Variants in PLCE1 observed in about 807,000 individuals in gnomAD.
PLCE1 encodes the protein phospholipase C epsilon 1, also known as 1-phosphatidylinositol 4,5-bisphosphate phosphodiesterase epsilon-1.
In PLCE1, 119 loss-of-function variants were observed where a neutral mutation model predicts 242.8. The observed-to-expected ratio is 0.49, with a 90% confidence interval of 0.42 to 0.57. The LOEUF (loss-of-function observed/expected upper bound fraction) is 0.57. PLCE1 is among the 20% of genes least tolerant of loss of function. The probability of loss-of-function intolerance (pLI) is 0.00; values close to 1 mark genes in which losing one functional copy is unlikely to be tolerated. For missense variants in PLCE1, 2,441 were observed against 2,788.8 expected, an observed-to-expected ratio of 0.88 and a Z score of 2.81; for synonymous variants, 945 against 1,017.4, an observed-to-expected ratio of 0.93 and a Z score of 1.35.
chr10:94,057,009 C>T (rs1589932387), intron 2 of PLCE1, among the ~76,000 whole-genome samples: 1 of 152,120 alleles, frequency 6.6e-6, no homozygotes, highest in African/African-American at 2.4e-5. Context: ...CTGAATACTA[C>T]CCCGTTGTGT....
intron 1 of PLCE1, among the ~76,000 whole-genome samples, chr10:94,006,613 T>G (rs2061042984): frequency 6.6e-6 from 1 of 152,228 alleles, no homozygotes; most frequent in Non-Finnish European, 1.5e-5. Context: ...CTACTTGTTT[T>G]TTTTAAAATT....
chr10:94,125,078 A>G (rs1024015441), intron 2 of PLCE1, among the ~76,000 whole-genome samples: 10 of 152,364 alleles, frequency 6.6e-5, no homozygotes, highest in East Asian at 1.9e-4. Flanking sequence ...TGGTGAAGAC[A>G]TAGAATTGAG....
intron 3 of PLCE1, among the ~76,000 whole-genome samples, chr10:94,156,574 A>C (rs1039146561): frequency 1.2e-4 from 18 of 152,084 alleles, no homozygotes; most frequent in African/African-American, 4.3e-4. Context: ...CCTTCCCAGC[A>C]CCTCCTTGTG....
In PLCE1 at chr10:94,298,581, T is replaced by C; in HGVS notation, c.5370T>C (p.Ala1790=). ...TACQLLRTYP[A]ATRIDSSNPN... is the part of the protein sequence containing the mutation. ...GTCAGCTGCTGAGAACTTACCCTGC[T>C]GCCACCCGCATCGACTCTTCCAACC... Residue 1790 remains alanine, a synonymous_variant, in exon 24 of 33, where the codon GCT becomes GCC. Transcript: ENST00000371380. This position sits in a 1 kb window ranked among gnomAD's most constrained non-coding sequence, Gnocchi z 5.2. 1 of 1,614,200 alleles carries C rather than the reference T, an allele frequency of 6.2e-7. No individual in the cohort carries two copies. Among genetic ancestry groups the C allele is most frequent in the Non-Finnish European group, 8.5e-7 (1 of 1,180,018 alleles).
chr10:94,232,773 T>A (rs1466047294), intron 5 of PLCE1, among the ~76,000 whole-genome samples: 1 of 152,070 alleles, frequency 6.6e-6, no homozygotes, highest in Non-Finnish European at 1.5e-5. Flanking sequence ...CCCTCCTGAC[T>A]CACAGGAAAT....
intron 1 of PLCE1, among the ~76,000 whole-genome samples, chr10:93,997,379 C>A (rs1044802915): frequency 2.6e-5 from 4 of 152,136 alleles, no homozygotes; most frequent in African/African-American, 9.7e-5. Context: ...TTACAAAATC[C>A]ATAAAGCTTC....
chr10:93,996,140 CGT>C (rs1564613566), intron 1 of PLCE1, among the ~76,000 whole-genome samples: 5 of 151,792 alleles, frequency 3.3e-5, no homozygotes, highest in South Asian at 2.1e-4. Flanking sequence ...TGTGCGCGCG[CGT>C]GTGTGTTCCA....
intron 2 of PLCE1, among the ~76,000 whole-genome samples, chr10:94,113,119 G>A (rs2046005947): frequency 6.6e-6 from 1 of 152,112 alleles, no homozygotes; most frequent in South Asian, 2.1e-4. Flanking sequence ...GGGAAAGTAG[G>A]GAGTGACTTT....
chr10:94,298,275 G>A lies in PLCE1; in HGVS notation c.5168-104G>A, dbSNP rs2133532697. 2 of 1,034,594 alleles carry A rather than the reference G, an allele frequency of 1.9e-6. No individual in the cohort carries two copies. The highest frequency in any genetic ancestry group is 3.6e-5 in the Admixed American group (2 of 56,148). 64.1% of individuals were successfully genotyped at this position (1,034,594 alleles called of 1,614,324 possible). A position where few individuals can be genotyped will look rare whatever the true frequency, so the allele number is the denominator to read the frequency against. Reference sequence around the variant, plus strand: ...AAAATCCAAGAGGTATTCTGATGTGGTTTATATGCTATGACTGTTTACTGG... The same window carrying A: ...AAAATCCAAGAGGTATTCTGATGTGATTTATATGCTATGACTGTTTACTGG... On this transcript the variant is annotated intron_variant, in intron 23 of 32. Transcript: ENST00000371380. This position sits in a 1 kb window ranked among gnomAD's most constrained non-coding sequence, Gnocchi z 5.2.
intron 2 of PLCE1, among the ~76,000 whole-genome samples, chr10:94,068,553 G>A (rs1469602869): frequency 6.6e-6 from 1 of 152,156 alleles, no homozygotes; most frequent in Non-Finnish European, 1.5e-5. Context: ...AGGAACTTAA[G>A]CATGTGGATT....
At chr10:94,121,678 C>T (rs750850307) in intron 2 of PLCE1, among the ~76,000 whole-genome samples, 7 of 152,252 alleles carry the variant, frequency 4.6e-5, no homozygotes, top group Non-Finnish European at 1.0e-4. Context: ...GCACTAAGTA[C>T]GACATGATCA....
At chr10:94,164,231 A>G (rs1057342166) in intron 3 of PLCE1, among the ~76,000 whole-genome samples, 1 of 152,190 alleles carries the variant, frequency 6.6e-6, no homozygotes, top group Non-Finnish European at 1.5e-5. Context: ...CTGCTGGATA[A>G]TATCCTGCAG....
intron 20 of PLCE1, chr10:94,280,178 A>C (rs898246991): frequency 3.4e-5 from 17 of 497,548 alleles, no homozygotes; most frequent in South Asian, 1.7e-4. Flanking sequence ...ATGGAATTGC[A>C]GCAGAGAAAC....
At chr10:94,043,113 G>A (rs1315978851) in intron 2 of PLCE1, among the ~76,000 whole-genome samples, 1 of 152,102 alleles carries the variant, frequency 6.6e-6, no homozygotes, top group East Asian at 1.9e-4. Context: ...AAAGTGCTTG[G>A]CAAACACTAT....
intron 3 of PLCE1, among the ~76,000 whole-genome samples, chr10:94,164,908 C>G (rs1034348780): frequency 6.6e-5 from 10 of 152,290 alleles, no homozygotes; most frequent in Admixed American, 1.3e-4. Flanking sequence ...CACTCTGGAC[C>G]CTGTTTGCCT....
Position 94,139,334 on chromosome 10 carries a change from C to G in PLCE1, c.1492+6875C>G, listed in dbSNP as rs115907589. 5.4e-3 allele frequency: 862 copies of G among 159,814 alleles called. 14 individuals carry two copies. The highest frequency in any genetic ancestry group is 0.02 in the African/African-American group (822 of 41,564). The allele number at this position is 159,814 out of a possible 1,614,324, so 9.9% of individuals were successfully genotyped here. ...TTGCCTGTGAGGATGAATTCTCCGA[C>G]TCTGATGAAGAGGGAAAGGGTGGCT... On this transcript the variant is annotated intron_variant, in intron 3 of 32. Coordinates refer to ENST00000371380, the MANE Select transcript of PLCE1 (RefSeq NM_016341.4).
chr10:94,310,965 T>C (rs2053368490), intron 27 of PLCE1, among the ~76,000 whole-genome samples: 1 of 152,090 alleles, frequency 6.6e-6, no homozygotes, highest in Non-Finnish European at 1.5e-5. Context: ...TCCATATAAA[T>C]CCTCAGATTC....
intron 5 of PLCE1, among the ~76,000 whole-genome samples, chr10:94,228,263 A>G (rs534888406): frequency 1.3e-5 from 2 of 152,310 alleles, no homozygotes; most frequent in East Asian, 3.9e-4. Flanking sequence ...GGGAGGCAGC[A>G]TGGTATGTGA....
chr10:94,052,362 TCTC>T (rs1055477779), intron 2 of PLCE1, among the ~76,000 whole-genome samples: 9 of 152,250 alleles, frequency 5.9e-5, no homozygotes, highest in African/African-American at 1.7e-4. Flanking sequence ...CCTCCCTACT[TCTC>T]CTTCTTAGAG....
Sources: allele counts gnomAD v4.1 joint callset (sites outside exome capture counted in the v4.1 genomes callset), GRCh38; gene constraint gnomAD v4.1.1; non-coding constraint Gnocchi (gnomAD v3.1); transcripts MANE v1.5; gene names NCBI Gene and HGNC (gene_info 2026-07-23, HGNC 2026-07-21).